CRX: variants seen among roughly 807,000 people sequenced by gnomAD.
CRX encodes cone-rod homeobox protein.
A neutral mutation model predicts 13.1 loss-of-function variants in CRX; 5 were observed. The observed-to-expected ratio is 0.38, with a 90% CI of 0.20 to 0.80. CRX has a LOEUF of 0.80. Ranked by LOEUF, CRX falls within the 30% of genes least tolerant of loss-of-function variation. CRX has a pLI of 0.43. For missense variants in CRX, 351 were observed against 391.8 expected (o/e 0.90, Z 0.88); for synonymous variants, 179 against 171.1 (o/e 1.05, Z -0.36).
At chr19:47,822,941 G>A (rs1031196091) in intron 1 of CRX, among the ~76,000 whole-genome samples, 4 of 151,974 alleles carry the variant, frequency 2.6e-5, no homozygotes, top group Admixed American at 1.3e-4. Context: ...TTACAGGCGC[G>A]TGCCCCCATG....
chr19:47,839,657 C>T lies in CRX; in HGVS notation c.590C>T (p.Pro197Leu), dbSNP rs761290111. ...GCCCCCTATGCCATGACCTACGCCC[C>T]GGCCTCCGCTTTCTGCTCTTCCCCC... ...TSAPYAMTYA[P>L]ASAFCSSPSA... The change falls in exon 4 of 4, where the codon CCG becomes CTG. Residue 197 changes from proline (P) to leucine (L), a missense_variant. Pro to Leu is a moderately conservative substitution (Grantham distance 98, BLOSUM62 -3). Transcript: ENST00000221996. This position sits in a 1 kb window ranked among gnomAD's most constrained non-coding sequence, Gnocchi z 4.6. 77 of 1,613,354 alleles carry T rather than the reference C, an allele frequency of 4.8e-5. No individual in the cohort carries two copies. In the Admixed American group the frequency reaches 5.5e-4, roughly 12 times the overall value.
intron 1 of CRX, among the ~76,000 whole-genome samples, chr19:47,830,773 G>A (rs1004610546): frequency 5.4e-5 from 8 of 148,772 alleles, no homozygotes; most frequent in African/African-American, 2.0e-4. Flanking sequence ...TCCAGCCTGG[G>A]CGACAGAACA....
chr19:47,842,671 C>T lies in CRX; in HGVS notation c.*2704C>T, dbSNP rs12974951. On this transcript the variant is annotated 3_prime_UTR_variant, in exon 4 of 4. Coordinates refer to ENST00000221996, the MANE Select transcript of CRX (RefSeq NM_000554.6). ...AAACAGAGGAAGACAACATATGTCACTGGGGAGGCTGGGGGAGCTAGACAA... is the reference window on the plus strand; with the variant it reads ...AAACAGAGGAAGACAACATATGTCATTGGGGAGGCTGGGGGAGCTAGACAA... The T allele has an allele frequency of 0.31, 47,341 of 152,058 alleles. 8,234 individuals carry two copies. Among genetic ancestry groups the T allele is most frequent in the Non-Finnish European group, 0.4 (27,210 of 67,992 alleles). The allele number at this position is 152,058 out of a possible 1,614,324, so 9.4% of individuals were successfully genotyped here.
At chr19:47,822,325 C>T (rs768210845) in intron 1 of CRX, among the ~76,000 whole-genome samples, 6 of 152,120 alleles carry the variant, frequency 3.9e-5, no homozygotes, top group Non-Finnish European at 7.4e-5. Context: ...GGCTTCTCAC[C>T]GTGGTTCTAA....
In CRX at chr19:47,840,356, G is replaced by C. The variant is rs1400321363; in HGVS notation, c.*389G>C. ...ACCGTGCCCTTGAACAAGCAGGTAG[G>C]GGGGCTTGATAACTTAACTTTCCAC... On this transcript the variant is annotated 3_prime_UTR_variant, in exon 4 of 4. Transcript: ENST00000221996. The C allele has an allele frequency of 2.1e-5, 5 of 237,562 alleles. No individual in the cohort carries two copies. In the East Asian group the frequency reaches 3.2e-4, roughly 15 times the overall value. The allele number at this position is 237,562 out of a possible 1,614,324, so 14.7% of individuals were successfully genotyped here.
chr19:47,833,634 TG>T (rs1465848083), intron 1 of CRX, among the ~76,000 whole-genome samples: 1 of 152,064 alleles, frequency 6.6e-6, no homozygotes, highest in African/African-American at 2.4e-5. Flanking sequence ...CAATCCAGTT[TG>T]CCTGGGACCA....
intron 1 of CRX, among the ~76,000 whole-genome samples, chr19:47,831,215 G>A (rs544472236): frequency 3.4e-5 from 5 of 148,106 alleles, no homozygotes; most frequent in African/African-American, 1.2e-4. Context: ...GCTGAGGCAG[G>A]AGAATCGCTT....
rs749287257 is a variant in CRX, at chr19:47,839,642, C to A, written c.575C>A (p.Ala192Asp). 1.9e-6 allele frequency: 3 copies of A among 1,613,288 alleles called. No individual in the cohort carries two copies. The highest frequency in any genetic ancestry group is 3.3e-5 in the Admixed American group (2 of 60,010). ...CCGTCTCTGACCTCCGCCCCCTATG[C>A]CATGACCTACGCCCCGGCCTCCGCT... ...SGPSLTSAPY[A>D]MTYAPASAFC... The change falls in exon 4 of 4, where the codon GCC (alanine) becomes GAC (aspartate). Residue 192 changes from alanine (A) to aspartate (D), a missense_variant. Ala to Asp is a moderately radical substitution (Grantham distance 126). Coordinates refer to ENST00000221996, the MANE Select transcript of CRX (RefSeq NM_000554.6). This position sits in a 1 kb window ranked among gnomAD's most constrained non-coding sequence, Gnocchi z 4.6.
chr19:47,825,942 A>G (rs551187805), intron 1 of CRX, among the ~76,000 whole-genome samples: 1 of 152,218 alleles, frequency 6.6e-6, no homozygotes, highest in East Asian at 1.9e-4. Flanking sequence ...AACAAAAACA[A>G]AAACCCAGAA....
chr19:47,842,571 A>T lies in CRX; in HGVS notation c.*2604A>T, dbSNP rs920216269. 6.6e-6 allele frequency: 1 copy of T among 152,234 alleles called. No individual in the cohort carries two copies. Among genetic ancestry groups the T allele is most frequent in the African/African-American group, 2.4e-5 (1 of 41,446 alleles). 9.4% of individuals were successfully genotyped at this position (152,234 alleles called of 1,614,324 possible). A position where few individuals can be genotyped will look rare whatever the true frequency, so the allele number is the denominator to read the frequency against. ...TGCTCTAGCCTGGGTCACAAGAGCG[A>T]AACTCCGTCTCAATAATAACAACAA... On this transcript the variant is annotated 3_prime_UTR_variant, in exon 4 of 4. Transcript: ENST00000221996.
chr19:47,823,183 G>A (rs1426801313), intron 1 of CRX, among the ~76,000 whole-genome samples: 2 of 152,184 alleles, frequency 1.3e-5, no homozygotes, highest in African/African-American at 2.4e-5. Flanking sequence ...GCTCTCGGCT[G>A]TATTCCCAGT....
At chr19:47,823,134 G>A (rs983416313) in intron 1 of CRX, among the ~76,000 whole-genome samples, 1 of 152,006 alleles carries the variant, frequency 6.6e-6, no homozygotes, top group African/African-American at 2.4e-5. Flanking sequence ...CTTGTTTCCC[G>A]TCTGCCCCTG....
At position 47,839,411 on chromosome 19, in the gene CRX, G is replaced by C. The variant is rs750727986; in HGVS notation, c.344G>C (p.Arg115Pro). Residue 115 changes from arginine to proline, a missense_variant, in exon 4 of 4, where the codon CGG becomes CCG. By Grantham distance (103) the Arg-to-Pro change is moderately radical. Transcript: ENST00000221996. This position sits in a 1 kb window ranked among gnomAD's most constrained non-coding sequence, Gnocchi z 4.6. ...CCCCCAGGGGGCCAGGCCAAGGCCC[G>C]GCCTGCCAAGAGGAAGGCGGGCACG... Reference protein sequence around the residue: ...QQPPGGQAKARPAKRKAGTSP... With the variant: ...QQPPGGQAKAPPAKRKAGTSP... The C allele has an allele frequency of 6.2e-7, 1 of 1,613,624 alleles. No homozygotes were observed. The highest frequency in any genetic ancestry group is 1.3e-5 in the African/African-American group (1 of 74,864).
Position 47,839,841 on chromosome 19 carries a change from T to G in CRX, c.774T>G (p.Tyr258Ter). 1 of 1,614,106 alleles carries G rather than the reference T, an allele frequency of 6.2e-7. No homozygotes were observed. The highest frequency in any genetic ancestry group is 8.5e-7 in the Non-Finnish European group (1 of 1,180,016). Residue 258 changes from tyrosine to a stop codon, truncating the protein, a stop_gained, in exon 4 of 4, where the codon TAT (tyrosine) becomes TAG (stop). Transcript: ENST00000221996. LOFTEE classifies it high-confidence loss of function. This position sits in a 1 kb window ranked among gnomAD's most constrained non-coding sequence, Gnocchi z 4.6. ...CCACCTCCCTATCAGGCCAGAGCTA[T>G]GGCGCCTACAGCCCCGTGGATAGCT... ...QSPTSLSGQS[Y>*]GAYSPVDSLE...
chr19:47,832,794 C>T (rs1599979754), intron 1 of CRX, among the ~76,000 whole-genome samples: 1 of 151,884 alleles, frequency 6.6e-6, no homozygotes, highest in African/African-American at 2.4e-5. Context: ...CCCATAAATG[C>T]GATTTTCATT....
intron 2 of CRX, among the ~76,000 whole-genome samples, chr19:47,835,369 A>ATTTCTT (rs1968104317): frequency 6.7e-6 from 1 of 150,336 alleles, no homozygotes; most frequent in South Asian, 2.1e-4. Flanking sequence ...GCAAAGCCTT[A>ATTTCTT]TTTCTTTTTC....
intron 1 of CRX, among the ~76,000 whole-genome samples, chr19:47,823,115 G>C (rs1967931804): frequency 6.6e-6 from 1 of 152,046 alleles, no homozygotes. Flanking sequence ...CAAAACTCTT[G>C]ATTGACACCT....
intron 1 of CRX, among the ~76,000 whole-genome samples, chr19:47,827,353 G>C (rs180943620): frequency 6.6e-6 from 1 of 151,744 alleles, no homozygotes; most frequent in East Asian, 1.9e-4. Flanking sequence ...TCTTGCTCAG[G>C]GTGACGGTGT....
rs1968178775 is a variant in CRX at position 47,840,284 on chromosome 19, T to TCAAAC, written c.*323_*327dup. 5.7e-6 allele frequency: 2 copies of TCAAAC among 352,790 alleles called. No individual in the cohort carries two copies. Among genetic ancestry groups the TCAAAC allele is most frequent in the African/African-American group, 4.1e-5 (2 of 48,220 alleles). 21.9% of individuals were successfully genotyped at this position (352,790 alleles called of 1,614,324 possible). ...GCTGAGAACTTGCTCCAAGAAGAAGTCAAACCAAACTTGCAGTTGATTTGG... is the reference window on the plus strand; with the variant it reads ...GCTGAGAACTTGCTCCAAGAAGAAGTCAAACCAAACCAAACTTGCAGTTGATTTGG... On this transcript the variant is annotated 3_prime_UTR_variant, in exon 4 of 4. Transcript: ENST00000221996.
Sources: gnomAD v4.1 joint callset for allele counts (sites outside exome capture counted in the v4.1 genomes callset) on GRCh38, gnomAD v4.1.1 for gene constraint, Gnocchi (gnomAD v3.1) non-coding constraint, MANE v1.5 for transcripts, NCBI Gene and HGNC (gene_info 2026-07-23, HGNC 2026-07-21) for gene names.